The following AP4E1 variants were observed in gnomAD, a reference collection of about 807,000 sequenced individuals.
AP4E1 encodes adaptor related protein complex 4 subunit epsilon 1.
In AP4E1, 56 loss-of-function variants were observed where a neutral mutation model predicts 128.2. The ratio of observed to expected loss-of-function variants is 0.44; its 90% CI spans 0.35 to 0.55. AP4E1 has a LOEUF of 0.55. Among genes scored for constraint, AP4E1 ranks in the 20% least tolerant of loss-of-function variants. The probability of loss-of-function intolerance (pLI) is 0.00; values close to 1 mark genes in which losing one functional copy is unlikely to be tolerated. For synonymous variants in AP4E1, 484 were observed against 473.1 expected (o/e 1.02, Z -0.30); for missense variants, 1,324 against 1,307.7 (o/e 1.01, Z -0.19).
intron 15 of AP4E1, among the ~76,000 whole-genome samples, chr15:50,979,500 A>C (rs2140909063): frequency 6.6e-6 from 1 of 152,274 alleles, no homozygotes; most frequent in East Asian, 1.9e-4. Context: ...CTCAGCCTTG[A>C]GAACAATGAG....
At chr15:50,913,114 G>T (rs1212677996) in intron 2 of AP4E1, among the ~76,000 whole-genome samples, 5 of 152,168 alleles carry the variant, frequency 3.3e-5, no homozygotes, top group African/African-American at 1.2e-4. Flanking sequence ...ATAAGCACAT[G>T]ATTGTGAATT....
At position 51,004,887 on chromosome 15, in the gene AP4E1, G is replaced by A. The variant is rs776788188; in HGVS notation, c.*2225G>A. 5 of 151,678 alleles carry A rather than the reference G, an allele frequency of 3.3e-5. No individual in the cohort carries two copies. Among genetic ancestry groups the A allele is most frequent in the Non-Finnish European group, 7.4e-5 (5 of 67,964 alleles). The allele number at this position is 151,678 out of a possible 1,614,324, so 9.4% of individuals were successfully genotyped here. A position where few individuals can be genotyped will look rare whatever the true frequency, so the allele number is the denominator to read the frequency against. On this transcript the variant is annotated 3_prime_UTR_variant, in exon 21 of 21. Transcript: ENST00000261842. ...GCAGGAGATGTGACTGTAAAGTAGG[G>A]AGTTTTTTTTTTTGAGACAGAGTTT...
chr15:50,930,154 C>G (rs1236164594), intron 6 of AP4E1, among the ~76,000 whole-genome samples: 1 of 144,190 alleles, frequency 6.9e-6, no homozygotes, highest in Non-Finnish European at 1.5e-5. Flanking sequence ...CACAACCTCC[C>G]CGTCCCAGGT....
At chr15:50,937,021 A>G (rs1479736810) in intron 8 of AP4E1, among the ~76,000 whole-genome samples, 1 of 151,750 alleles carries the variant, frequency 6.6e-6, no homozygotes, top group Non-Finnish European at 1.5e-5. Context: ...ACCTTGCTAC[A>G]GAAACCTTAT....
At chr15:50,999,359 G>A in intron 19 of AP4E1, 97 bp downstream of exon 19, 2 of 1,063,130 alleles carry the variant, frequency 1.9e-6, no homozygotes, top group Non-Finnish European at 1.4e-6. Context: ...GTGCTAGGGA[G>A]TATAACAGTT....
intron 13 of AP4E1, among the ~76,000 whole-genome samples, chr15:50,958,123 A>C (rs973746511): frequency 6.6e-6 from 1 of 152,182 alleles, no homozygotes; most frequent in Non-Finnish European, 1.5e-5. Context: ...GAAACACCTT[A>C]AGTGCCTCTT....
At chr15:50,950,575 G>A (rs1390604438) in intron 13 of AP4E1, among the ~76,000 whole-genome samples, 3 of 152,090 alleles carry the variant, frequency 2.0e-5, no homozygotes, top group African/African-American at 4.8e-5. Context: ...ACAGTGCTGA[G>A]TACTTACATT....
At chr15:50,961,776 A>G (rs1040975718) in intron 14 of AP4E1, among the ~76,000 whole-genome samples, 8 of 152,038 alleles carry the variant, frequency 5.3e-5, no homozygotes, top group African/African-American at 1.7e-4. Context: ...AAAGAAAGAA[A>G]TAAAGGGATC....
Position 51,005,354 on chromosome 15 carries a change from A to T in AP4E1, c.*2692A>T, listed in dbSNP as rs1450111429. ...TGGCAGCAAGTGTGAATCTGGGGGA[A>T]TATAAGGGAAGACAGAAAAGCCTTA... On this transcript the variant is annotated 3_prime_UTR_variant, in exon 21 of 21. Coordinates refer to ENST00000261842, the MANE Select transcript of AP4E1 (RefSeq NM_007347.5). 6.5e-6 allele frequency: 1 copy of T among 152,842 alleles called. No homozygotes were observed. Among genetic ancestry groups the T allele is most frequent in the Non-Finnish European group, 1.5e-5 (1 of 68,182 alleles). The allele number at this position is 152,842 out of a possible 1,614,324, so 9.5% of individuals were successfully genotyped here.
In AP4E1 at chr15:50,984,143, A is replaced by C. The variant is rs1360386773; in HGVS notation, c.2088A>C (p.Lys696Asn). ...VSGNSAETGL[K>N]ETNSLKLEGI... is the part of the protein sequence containing the mutation. The stretch of plus-strand genomic sequence containing the variant: ...GGAATAGTGCTGAGACAGGACTGAA[A>C]GAGTAAGTTCATTTCTTATTAAAAT... Residue 696 changes from lysine to asparagine, a missense_variant and splice_region_variant, in exon 16 of 21, where the codon AAA becomes AAC. Transcript: ENST00000261842. 2.5e-6 allele frequency: 4 copies of C among 1,612,970 alleles called. No homozygotes were observed. In the African/African-American group the frequency reaches 5.3e-5, roughly 22 times the overall value.
chr15:50,957,504 G>C (rs570366000), intron 13 of AP4E1, among the ~76,000 whole-genome samples: 1 of 152,146 alleles, frequency 6.6e-6, no homozygotes, highest in African/African-American at 2.4e-5. Flanking sequence ...AGGGATATAA[G>C]TTCTCACTTT....
At position 50,944,223 on chromosome 15, in the gene AP4E1, C is replaced by T. The variant is rs552423024; in HGVS notation, c.1176+2448C>T. On this transcript the variant is annotated intron_variant, in intron 10 of 20. Transcript: ENST00000261842. Reference sequence around the variant, plus strand: ...CACTTCTAACCTCTATCAAATGATACGGTGAGAACTTTGGTCCTTGGATGT... The same window carrying T: ...CACTTCTAACCTCTATCAAATGATATGGTGAGAACTTTGGTCCTTGGATGT... Among the ~76,000 whole-genome samples, 19 of 152,238 alleles carry T rather than the reference C, an allele frequency of 1.2e-4. No individual in the cohort carries two copies. The East Asian group carries it at 2.9e-3, about 23-fold the overall frequency.
At chr15:50,955,798 T>A (rs2140873535) in intron 13 of AP4E1, among the ~76,000 whole-genome samples, 1 of 152,340 alleles carries the variant, frequency 6.6e-6, no homozygotes, top group East Asian at 1.9e-4. Flanking sequence ...CCCCACTCAG[T>A]CTTCTCAGTT....
In AP4E1 at chr15:50,945,902, G is replaced by A. The variant is rs1026291707; in HGVS notation, c.1177-2118G>A. The A allele has an allele frequency of 4.0e-5, 46 of 1,143,086 alleles. No homozygotes were observed. The African/African-American group carries it at 5.8e-4, about 14-fold the overall frequency. The allele number at this position is 1,143,086 out of a possible 1,614,324, so 70.8% of individuals were successfully genotyped here. A position where few individuals can be genotyped will look rare whatever the true frequency, so the allele number is the denominator to read the frequency against. ...GAACAGTGCATCATGAAAGAAGCTCGTCGAAGAAAGGAAGTGAATCGTATT... is the reference window on the plus strand; with the variant it reads ...GAACAGTGCATCATGAAAGAAGCTCATCGAAGAAAGGAAGTGAATCGTATT... On this transcript the variant is annotated intron_variant, in intron 10 of 20. Coordinates refer to ENST00000261842, the MANE Select transcript of AP4E1 (RefSeq NM_007347.5).
chr15:50,950,298 C>T, intron 13 of AP4E1, 129 bp downstream of exon 13: 1 of 625,514 alleles, frequency 1.6e-6, no homozygotes, highest in Non-Finnish European at 2.8e-6. Flanking sequence ...TTCAAATGGC[C>T]ACCATCTATC....
intron 16 of AP4E1, among the ~76,000 whole-genome samples, chr15:50,984,414 C>T (rs528309979): frequency 4.0e-5 from 6 of 151,626 alleles, no homozygotes; most frequent in Non-Finnish European, 2.9e-5. Context: ...CCCATTAACT[C>T]GTCATTTACA....
chr15:50,966,576 A>C (rs2064397065), intron 14 of AP4E1, among the ~76,000 whole-genome samples: 1 of 124,964 alleles, frequency 8.0e-6, no homozygotes, highest in Non-Finnish European at 1.6e-5. Context: ...CACTCTTGTC[A>C]CCCAGGCTGG....
At chr15:50,971,709 C>G (rs1014832410) in intron 15 of AP4E1, among the ~76,000 whole-genome samples, 1 of 151,392 alleles carries the variant, frequency 6.6e-6, no homozygotes, top group Admixed American at 6.6e-5. Flanking sequence ...GAAATTATTT[C>G]TTCTGCTTTC....
chr15:50,951,662 A>G (rs1158728501), intron 13 of AP4E1, among the ~76,000 whole-genome samples: 2 of 152,076 alleles, frequency 1.3e-5, no homozygotes, highest in East Asian at 3.8e-4. Context: ...TCATCTGCAG[A>G]AAAGTTAAAA....
Sources: gnomAD v4.1 joint callset for allele counts (sites outside exome capture counted in the v4.1 genomes callset) on GRCh38, gnomAD v4.1.1 for gene constraint, MANE v1.5 for transcripts, NCBI Gene and HGNC (gene_info 2026-07-23, HGNC 2026-07-21) for gene names.